Variants in MTRR observed in about 807,000 individuals in gnomAD.
The protein encoded by MTRR is methionine synthase reductase.
A neutral mutation model predicts 79.2 loss-of-function variants in MTRR; 63 were observed. The ratio of observed to expected loss-of-function variants is 0.80; its 90% CI spans 0.65 to 0.98. The LOEUF is 0.98. Ranked by LOEUF, MTRR falls within the 50% of genes least tolerant of loss-of-function variation. MTRR has a pLI of 0.00. For synonymous variants in MTRR, 355 were observed against 313.3 expected (o/e 1.13, Z -1.41); for missense variants, 895 against 839.6 (o/e 1.07, Z -0.82).
At chr5:7,899,848 T>C (rs1277202342) in intron 14 of MTRR, 66 bp from the exon 15 acceptor site, 2 of 1,584,790 alleles carry the variant, frequency 1.3e-6, no homozygotes, top group Non-Finnish European at 1.7e-6. Context: ...ATTAGACTTG[T>C]GAATTAAGGA....
Position 7,892,811 on chromosome 5 carries a change from G to A in MTRR, c.1455G>A (p.Arg485=). ...FLSTATTEVL[R]KGVCTGWLAL... Reference sequence around the variant, plus strand: ...CTACTGCCACAACAGAGGTTCTGCGGAAGGGAGTATGTACAGGCTGGCTGG... The same window carrying A: ...CTACTGCCACAACAGAGGTTCTGCGAAAGGGAGTATGTACAGGCTGGCTGG... The change falls in exon 11 of 15, where the codon CGG becomes CGA. Residue 485 remains arginine, a synonymous_variant. Coordinates refer to ENST00000440940, the MANE Select transcript of MTRR (RefSeq NM_002454.3). 6.2e-7 allele frequency: 1 copy of A among 1,614,228 alleles called. No homozygotes were observed. Among genetic ancestry groups the A allele is most frequent in the Non-Finnish European group, 8.5e-7 (1 of 1,180,034 alleles).
At chr5:7,880,617 C>G (rs1368996390) in intron 5 of MTRR, among the ~76,000 whole-genome samples, 1 of 152,172 alleles carries the variant, frequency 6.6e-6, no homozygotes, top group African/African-American at 2.4e-5. Context: ...TCATTTCTCT[C>G]AGGATGCTAT....
At chr5:7,888,957 C>A in intron 8 of MTRR, 138 bp from the exon 9 acceptor site, 1 of 890,088 alleles carries the variant, frequency 1.1e-6, no homozygotes, top group Non-Finnish European at 1.8e-6. Context: ...AAATTCCCTC[C>A]TCCTGACAAT....
upstream of MTRR, chr5:7,865,941 G>A (rs1427046725): frequency 6.2e-7 from 1 of 1,614,042 alleles, no homozygotes; most frequent in Non-Finnish European, 8.5e-7. Context: ...GAAAAGTTGG[G>A]TCAGTTGTGC....
chr5:7,857,367 T>G (rs1746278613), intron 1 of MTRR, among the ~76,000 whole-genome samples: 1 of 152,196 alleles, frequency 6.6e-6, no homozygotes, highest in South Asian at 2.1e-4. Flanking sequence ...ACAAAGCTTG[T>G]CAAATTTGCT....
chr5:7,864,651 A>G (rs1435903483), upstream of MTRR, among the ~76,000 whole-genome samples: 1 of 152,214 alleles, frequency 6.6e-6, no homozygotes, highest in Non-Finnish European at 1.5e-5. Flanking sequence ...AAACTTCATT[A>G]ATGCTCATTA....
At chr5:7,885,559 T>G (rs1736269054) in intron 6 of MTRR, 142 bp from the exon 7 acceptor site, 1 of 841,108 alleles carries the variant, frequency 1.2e-6, no homozygotes, top group Non-Finnish European at 1.8e-6. Context: ...AAAACAATTG[T>G]GTGTTTTTTT....
At chr5:7,857,201 A>G (rs1207873130) in intron 1 of MTRR, among the ~76,000 whole-genome samples, 1 of 152,196 alleles carries the variant, frequency 6.6e-6, no homozygotes, top group Non-Finnish European at 1.5e-5. Flanking sequence ...TGCAATTATT[A>G]AAAATATTAT....
chr5:7,898,790 T>A (rs1246494170), intron 14 of MTRR, among the ~76,000 whole-genome samples: 1 of 152,180 alleles, frequency 6.6e-6, no homozygotes, highest in Non-Finnish European at 1.5e-5. Flanking sequence ...TAGTAGAGTC[T>A]TGTCTGACAC....
In MTRR at chr5:7,896,621, A is replaced by G. The variant is rs1446475378; in HGVS notation, c.1677-243A>G. The G allele has an allele frequency of 2.8e-5, 16 of 566,710 alleles. No homozygotes were observed. The East Asian group carries it at 4.9e-4, about 17-fold the overall frequency. 35.1% of individuals were successfully genotyped at this position (566,710 alleles called of 1,614,324 possible). ...TAGATCTCACAGTGTGATACTTTGA[A>G]TTGTCCTCATTTTGTGTATGTCGGA... On this transcript the variant is annotated intron_variant, in intron 12 of 14. Coordinates refer to ENST00000440940, the MANE Select transcript of MTRR (RefSeq NM_002454.3).
chr5:7,900,828 C>A lies in MTRR; in HGVS notation c.*770C>A, dbSNP rs1215143389. 2 of 152,124 alleles carry A rather than the reference C, an allele frequency of 1.3e-5. No individual in the cohort carries two copies. Among genetic ancestry groups the A allele is most frequent in the African/African-American group, 4.8e-5 (2 of 41,388 alleles). 9.4% of individuals were successfully genotyped at this position (152,124 alleles called of 1,614,324 possible). A position where few individuals can be genotyped will look rare whatever the true frequency, so the allele number is the denominator to read the frequency against. On this transcript the variant is annotated 3_prime_UTR_variant, in exon 15 of 15. Transcript: ENST00000440940. Reference sequence around the variant, plus strand: ...CTTTTTATTTTCACTCCTTTTATTTCTGCTGCTTGGCACATTTTTGAGTTT... The same window carrying A: ...CTTTTTATTTTCACTCCTTTTATTTATGCTGCTTGGCACATTTTTGAGTTT...
At position 7,900,482 on chromosome 5, in the gene MTRR, T is replaced by C. The variant is rs1739305110; in HGVS notation, c.*424T>C. Reference sequence around the variant, plus strand: ...AGTATGAAAATGATTTATTTTTATATGATGTATACCCATAAAGAATGCTCA... The same window carrying C: ...AGTATGAAAATGATTTATTTTTATACGATGTATACCCATAAAGAATGCTCA... On this transcript the variant is annotated 3_prime_UTR_variant, in exon 15 of 15. Coordinates refer to ENST00000440940, the MANE Select transcript of MTRR (RefSeq NM_002454.3). 4.8e-6 allele frequency: 1 copy of C among 208,806 alleles called. No individual in the cohort carries two copies. Among genetic ancestry groups the C allele is most frequent in the South Asian group, 8.2e-5 (1 of 12,170 alleles). 12.9% of individuals were successfully genotyped at this position (208,806 alleles called of 1,614,324 possible).
chr5:7,869,013 G>A (rs1476246065), upstream of MTRR: 1 of 1,215,318 alleles, frequency 8.2e-7, no homozygotes, highest in East Asian at 2.3e-5. Flanking sequence ...GGGTGGTCGC[G>A]GAAGCGCCTG....
chr5:7,862,362 C>T (rs1746613144), intron 2 of MTRR, among the ~76,000 whole-genome samples: 1 of 152,078 alleles, frequency 6.6e-6, no homozygotes, highest in Non-Finnish European at 1.5e-5. Context: ...GGCTACTGAG[C>T]ACTTACAATG....
At chr5:7,879,904 C>T (rs946656600) in intron 5 of MTRR, among the ~76,000 whole-genome samples, 4 of 152,328 alleles carry the variant, frequency 2.6e-5, no homozygotes, top group Non-Finnish European at 5.9e-5. Context: ...CTGGGCCCCA[C>T]GCAAAGCTGG....
At chr5:7,862,983 A>T (rs1380151195) in intron 2 of MTRR, 9 of 1,613,756 alleles carry the variant, frequency 5.6e-6, no homozygotes, top group Non-Finnish European at 7.6e-6. Flanking sequence ...GATATTTAGG[A>T]AGGAGTTTTG....
chr5:7,859,321 T>C (rs1046014), intron 1 of MTRR: 73,337 of 533,964 alleles, frequency 0.14, 6,739 homozygotes, highest in African/African-American at 0.31. Flanking sequence ...TGCTTTCAGA[T>C]CACCAGTCTA....
At chr5:7,870,598 G>A (rs1747790853) in intron 1 of MTRR, among the ~76,000 whole-genome samples, 172 bp from the exon 2 acceptor site, 1 of 152,156 alleles carries the variant, frequency 6.6e-6, no homozygotes, top group South Asian at 2.1e-4. Flanking sequence ...TTAATTTGAT[G>A]AATTCTTATT....
intron 11 of MTRR, among the ~76,000 whole-genome samples, chr5:7,894,463 C>A (rs1738164317): frequency 6.6e-6 from 1 of 152,208 alleles, no homozygotes; most frequent in Non-Finnish European, 1.5e-5. Context: ...TCCACATAGA[C>A]CCTCAAGTGA....
Sources: allele counts gnomAD v4.1 joint callset (sites outside exome capture counted in the v4.1 genomes callset), GRCh38; gene constraint gnomAD v4.1.1; transcripts MANE v1.5; gene names NCBI Gene and HGNC (gene_info 2026-07-23, HGNC 2026-07-21).